The following RGS12 variants were observed in gnomAD, a reference collection of about 807,000 sequenced individuals.
RGS12 encodes regulator of G-protein signaling 12.
In RGS12, 66 loss-of-function variants were observed where a neutral mutation model predicts 120.1. The ratio of observed to expected loss-of-function variants is 0.55; its 90% CI spans 0.45 to 0.67. The LOEUF (loss-of-function observed/expected upper bound fraction) is 0.67. Among genes scored for constraint, RGS12 ranks in the 30% least tolerant of loss-of-function variants. The pLI, the probability that RGS12 is intolerant of heterozygous loss-of-function variation, is 0.00. For synonymous variants in RGS12, 827 were observed against 804.7 expected, an observed-to-expected ratio of 1.03 and a Z score of -0.47; for missense variants, 1,859 against 1,957.7, an observed-to-expected ratio of 0.95 and a Z score of 0.95.
In RGS12 at chr4:3,318,000, A is replaced by G; in HGVS notation, c.1830A>G (p.Gln610=). The G allele has an allele frequency of 6.2e-7, 1 of 1,612,176 alleles. No homozygotes were observed. The highest frequency in any genetic ancestry group is 8.5e-7 in the Non-Finnish European group (1 of 1,179,188). ...REWSRKAFGM[Q]SIFGPHRNVR... ...GGTCCAGGAAGGCCTTTGGAATGCA[A>G]AGCATTTTTGGTCCCCATCGAAATG... Residue 610 remains glutamine, a synonymous_variant, in exon 2 of 18, where the codon CAA becomes CAG. Transcript: ENST00000336727.
intron 3 of RGS12, among the ~76,000 whole-genome samples, chr4:3,367,366 G>T (rs1011693152): frequency 6.6e-6 from 1 of 152,408 alleles, no homozygotes; most frequent in South Asian, 2.1e-4. Flanking sequence ...GGCGGTGCCT[G>T]TGCAGCGCAT....
chr4:3,420,526 G>C (rs1722892606), intron 9 of RGS12, 116 bp from the exon 10 acceptor site: 1 of 941,438 alleles, frequency 1.1e-6, no homozygotes, highest in Non-Finnish European at 1.7e-6. Context: ...TGGGGGATGG[G>C]TGGGGGGGGC....
chr4:3,307,712 A>G (rs940990509), intron 1 of RGS12, among the ~76,000 whole-genome samples: 4 of 152,178 alleles, frequency 2.6e-5, no homozygotes, highest in African/African-American at 9.6e-5. Context: ...TGTGCCTGGC[A>G]TGGAGAGAGC....
chr4:3,428,383 G>A (rs750634712), intron 15 of RGS12, 175 bp from the exon 16 acceptor site: 23 of 754,838 alleles, frequency 3.0e-5, no homozygotes, highest in Non-Finnish European at 4.9e-5. Context: ...GAGTGGTTGT[G>A]CCTTAAATGC....
intron 3 of RGS12, among the ~76,000 whole-genome samples, chr4:3,363,636 C>T (rs1715964867): frequency 6.6e-6 from 1 of 151,936 alleles, no homozygotes; most frequent in African/African-American, 2.4e-5. Flanking sequence ...GCTCACCCGG[C>T]GCACACTGCA....
At chr4:3,307,498 A>C (rs937157851) in intron 1 of RGS12, among the ~76,000 whole-genome samples, 1 of 152,262 alleles carries the variant, frequency 6.6e-6, no homozygotes, top group Non-Finnish European at 1.5e-5. Context: ...TTTTTAGTAC[A>C]AAAAAGTTCT....
chr4:3,432,161 T>C, intron 17 of RGS12: 1 of 985,444 alleles, frequency 1.0e-6, no homozygotes, highest in Non-Finnish European at 1.2e-6. Flanking sequence ...TAATAAATTC[T>C]GGACATCATC....
chr4:3,356,962 C>A (rs1714953591), intron 3 of RGS12, among the ~76,000 whole-genome samples: 1 of 152,244 alleles, frequency 6.6e-6, no homozygotes, highest in Non-Finnish European at 1.5e-5. Context: ...TTTTGAGGAA[C>A]CACCGTACTG....
At chr4:3,428,042 C>G (rs1427416035) in intron 14 of RGS12, 48 bp from the exon 15 acceptor site, 1 of 1,545,138 alleles carries the variant, frequency 6.5e-7, no homozygotes, top group Non-Finnish European at 8.9e-7. Flanking sequence ...ATGAAACATT[C>G]AGATGGATTT....
At chr4:3,417,812 C>A in intron 9 of RGS12, 1 of 412,638 alleles carries the variant, frequency 2.4e-6, no homozygotes, top group Non-Finnish European at 4.3e-6. Context: ...CAGGCCTACC[C>A]CACACAGTGG....
chr4:3,389,056 G>C lies in RGS12; in HGVS notation c.2020+2619G>C, dbSNP rs1043349241. ...ACGAGCCGTGCCAGTGAGAGAGTTC[G>C]TGTTCATGCCACGGTTTCATTCTGT... On this transcript the variant is annotated intron_variant, in intron 4 of 17. Coordinates refer to ENST00000336727, the MANE Select transcript of RGS12 (RefSeq NM_001394154.1). The surrounding 1 kb of genome is among the most constrained non-coding windows in gnomAD (Gnocchi z 5.2). Among the ~76,000 whole-genome samples, 1 of 152,192 alleles carries C rather than the reference G, an allele frequency of 6.6e-6. No homozygotes were observed. Among genetic ancestry groups the C allele is most frequent in the East Asian group, 1.9e-4 (1 of 5,200 alleles).
In RGS12 at chr4:3,425,361, C is replaced by G. The variant is rs3748035; in HGVS notation, c.3235-103C>G. ...CACCTCGGGGCCATCTCCTGCGTGA[C>G]TCCATCAAGCCTAGGACAGTCATGC... On this transcript the variant is annotated intron_variant, in intron 13 of 17. Coordinates refer to ENST00000336727, the MANE Select transcript of RGS12 (RefSeq NM_001394154.1). 2.2e-5 allele frequency: 23 copies of G among 1,035,002 alleles called. No individual in the cohort carries two copies. The East Asian group carries it at 5.6e-4, about 25-fold the overall frequency. The allele number at this position is 1,035,002 out of a possible 1,614,324, so 64.1% of individuals were successfully genotyped here.
At chr4:3,428,323 C>T (rs888107112) in intron 15 of RGS12, 154 bp downstream of exon 15, 4 of 835,512 alleles carry the variant, frequency 4.8e-6, no homozygotes, top group Middle Eastern at 2.2e-4. Flanking sequence ...CTGCCGATGC[C>T]CAGCTCCCTC....
At chr4:3,300,939 C>T (rs996617609) in intron 1 of RGS12, among the ~76,000 whole-genome samples, 6 of 152,202 alleles carry the variant, frequency 3.9e-5, no homozygotes, top group Admixed American at 1.3e-4. Flanking sequence ...TGCCGTTTGC[C>T]CCACTGCACC....
At position 3,401,520 on chromosome 4, in the gene RGS12, CGTAAGTTACTT is replaced by C. The variant is rs545864794; in HGVS notation, c.2021-12550_2021-12540del. On this transcript the variant is annotated intron_variant, in intron 4 of 17. Coordinates refer to ENST00000336727, the MANE Select transcript of RGS12 (RefSeq NM_001394154.1). ...AGCTTTATAGGAAAGTTAAGTAACT[CGTAAGTTACTT>C]GGTGAGGAGGGGAGTTCTCACGCTG... Among the ~76,000 whole-genome samples the C allele has an allele frequency of 2.8e-3, 428 of 152,322 alleles. 2 individuals are homozygous for C. The highest frequency in any genetic ancestry group is 0.01 in the African/African-American group (418 of 41,560).
At chr4:3,360,808 C>T (rs542240101) in intron 3 of RGS12, among the ~76,000 whole-genome samples, 18 of 152,282 alleles carry the variant, frequency 1.2e-4, no homozygotes, top group African/African-American at 2.6e-4. Flanking sequence ...CAAAGGCCGA[C>T]GGACCCTGAG....
chr4:3,289,091 G>GGA (rs1177102333), upstream of RGS12, among the ~76,000 whole-genome samples: 2 of 152,184 alleles, frequency 1.3e-5, no homozygotes, highest in African/African-American at 4.8e-5. Context: ...CACCTGCTGA[G>GGA]GACACCCACA....
chr4:3,369,971 A>C (rs935405977), intron 3 of RGS12: 17 of 1,181,990 alleles, frequency 1.4e-5, no homozygotes, highest in African/African-American at 9.4e-5. Context: ...ACTGACTGAG[A>C]AATTACCCCT....
At chr4:3,301,182 C>T (rs1437995238) in intron 1 of RGS12, among the ~76,000 whole-genome samples, 1 of 151,190 alleles carries the variant, frequency 6.6e-6, no homozygotes, top group Non-Finnish European at 1.5e-5. Flanking sequence ...CTCTGTAACA[C>T]GGGGTCTGTC....
Sources: gnomAD v4.1 joint callset for allele counts (sites outside exome capture counted in the v4.1 genomes callset) on GRCh38, gnomAD v4.1.1 for gene constraint, Gnocchi (gnomAD v3.1) non-coding constraint, MANE v1.5 for transcripts, NCBI Gene and HGNC (gene_info 2026-07-23, HGNC 2026-07-21) for gene names.